Variants in IGSF10 observed in about 807,000 individuals in gnomAD.
IGSF10 encodes calvaria mechanical force protein 608.
Under a neutral mutation model 128.2 loss-of-function variants are expected in IGSF10, and 126 were observed. The ratio of observed to expected loss-of-function variants is 0.98; its 90% CI spans 0.85 to 1.14. The LOEUF is 1.14. Among genes scored for constraint, IGSF10 ranks in the 50% most tolerant of loss-of-function variants. The pLI is 0.00. For synonymous variants in IGSF10, 1,185 were observed against 1,146.2 expected (o/e 1.03, Z -0.68); for missense variants, 3,295 against 3,149.8 (o/e 1.05, Z -1.10).
At chr3:151,586,111 C>T in the IGSF10 span, among the ~76,000 whole-genome samples, 1 of 151,824 alleles carries the variant, frequency 6.6e-6, no homozygotes, top group East Asian at 1.9e-4. Context: ...TCCCGAGTTG[C>T]CACCACGCCA....
the IGSF10 span, among the ~76,000 whole-genome samples, chr3:151,579,010 A>G: frequency 0.058 from 8,820 of 152,240 alleles, 515 homozygotes; most frequent in African/African-American, 0.15. Context: ...GGAAAGAGTA[A>G]AGAAGATGAA....
At chr3:151,565,155 T>A in the IGSF10 span, among the ~76,000 whole-genome samples, 7 of 152,160 alleles carry the variant, frequency 4.6e-5, no homozygotes, top group Non-Finnish European at 8.8e-5. Flanking sequence ...GATTTACTGG[T>A]TAATTCATAT....
At position 151,452,427 on chromosome 3, in the gene IGSF10, G is replaced by A. The variant is rs116266185; in HGVS notation, c.715+957C>T. On this transcript the variant is annotated intron_variant, in intron 5 of 7. Transcript: ENST00000282466. ...TTGTAATACAATTGTAATTATTTATGTATCTAAACTTAGAAAAGGTAACAT... is the reference window on the plus strand; with the variant it reads ...TTGTAATACAATTGTAATTATTTATATATCTAAACTTAGAAAAGGTAACAT... Among the ~76,000 whole-genome samples, 1,286 of 152,232 alleles carry A rather than the reference G, an allele frequency of 8.4e-3. 17 individuals are homozygous for A. Among genetic ancestry groups the A allele is most frequent in the African/African-American group, 0.03 (1,229 of 41,532 alleles).
chr3:151,523,782 G>A, the IGSF10 span, among the ~76,000 whole-genome samples: 32 of 152,198 alleles, frequency 2.1e-4, no homozygotes, highest in Admixed American at 2.1e-3. Context: ...AAAAGCAATC[G>A]CAACAAATGC....
chr3:151,462,317 C>T (rs1263909245), upstream of IGSF10, among the ~76,000 whole-genome samples: 1 of 152,124 alleles, frequency 6.6e-6, no homozygotes, highest in African/African-American at 2.4e-5. Context: ...CAAAAATTTG[C>T]GGGATCCATC....
At position 151,448,160 on chromosome 3, in the gene IGSF10, C is replaced by A; in HGVS notation, c.1821G>T (p.Trp607Cys). The A allele has an allele frequency of 6.2e-7, 1 of 1,614,130 alleles. No homozygotes were observed. The stretch of plus-strand genomic sequence containing the variant: ...AGAGCACATTGTTTCCTGGAATAAC[C>A]CAGCTAATAGAGGCATCTGGGATAC... ...STGIPDASIS[W>C]VIPGNNVLYQ... The change falls in exon 6 of 8, where the codon TGG (tryptophan) becomes TGT (cysteine). Residue 607 changes from tryptophan (W) to cysteine (C), a missense_variant. Transcript: ENST00000282466.
At chr3:151,531,899 GT>G in the IGSF10 span, among the ~76,000 whole-genome samples, 82 of 151,812 alleles carry the variant, frequency 5.4e-4, no homozygotes, top group African/African-American at 1.8e-3. Flanking sequence ...CCAGGAGCTG[GT>G]TTTTTTTAAA....
At chr3:151,518,928 T>C in the IGSF10 span, among the ~76,000 whole-genome samples, 3 of 151,898 alleles carry the variant, frequency 2.0e-5, no homozygotes, top group Admixed American at 1.3e-4. Flanking sequence ...GTTCTTTCCT[T>C]CCTCTTACCA....
rs772428468 is a variant in IGSF10, at chr3:151,437,519, CTAT to C, written c.7039_7041del (p.Ile2347del). On this transcript the variant is annotated inframe_deletion, in exon 8 of 8. Coordinates refer to ENST00000282466, the MANE Select transcript of IGSF10 (RefSeq NM_178822.5). Reference sequence around the variant, plus strand: ...GCTGTGGACTTTCCCAGCTGGGCAACTATTTTTTCATTAAATGGATTTCTAAAT... The same window carrying C: ...GCTGTGGACTTTCCCAGCTGGGCAACTTTTTCATTAAATGGATTTCTAAAT... 6.2e-7 allele frequency: 1 copy of C among 1,614,176 alleles called. No homozygotes were observed. Among genetic ancestry groups the C allele is most frequent in the Non-Finnish European group, 8.5e-7 (1 of 1,180,028 alleles).
chr3:151,581,141 T>C, the IGSF10 span, among the ~76,000 whole-genome samples: 5 of 152,204 alleles, frequency 3.3e-5, no homozygotes, highest in African/African-American at 1.2e-4. Context: ...GTTTTCATGT[T>C]GCTGTGTTAG....
the IGSF10 span, among the ~76,000 whole-genome samples, chr3:151,584,184 T>G: frequency 6.6e-6 from 1 of 152,312 alleles, no homozygotes; most frequent in African/African-American, 2.4e-5. Context: ...ATTGATCCTT[T>G]TATTATTATG....
chr3:151,498,524 C>T, the IGSF10 span, among the ~76,000 whole-genome samples: 20 of 152,038 alleles, frequency 1.3e-4, no homozygotes, highest in Admixed American at 3.3e-4. Flanking sequence ...AATCAATAAA[C>T]GTAATCCAGC....
chr3:151,498,364 G>A, the IGSF10 span, among the ~76,000 whole-genome samples: 1 of 152,076 alleles, frequency 6.6e-6, no homozygotes, highest in Non-Finnish European at 1.5e-5. Context: ...AATTTATTGA[G>A]AGTTTTTTAG....
the IGSF10 span, among the ~76,000 whole-genome samples, chr3:151,601,371 A>C: frequency 6.6e-6 from 1 of 152,232 alleles, no homozygotes; most frequent in East Asian, 1.9e-4. Flanking sequence ...ACAATTGAAA[A>C]TTATGCAAAA....
chr3:151,465,636 C>A (rs1018219964), upstream of IGSF10, among the ~76,000 whole-genome samples: 1 of 152,118 alleles, frequency 6.6e-6, no homozygotes, highest in South Asian at 2.1e-4. Context: ...TGGGAAATGG[C>A]AAATGAGGCA....
chr3:151,563,918 G>A, the IGSF10 span, among the ~76,000 whole-genome samples: 1 of 152,166 alleles, frequency 6.6e-6, no homozygotes, highest in Non-Finnish European at 1.5e-5. Context: ...CACAGGTGAG[G>A]AAACTGAGGC....
At chr3:151,558,223 T>C in the IGSF10 span, among the ~76,000 whole-genome samples, 1 of 149,952 alleles carries the variant, frequency 6.7e-6, no homozygotes, top group Non-Finnish European at 1.5e-5. Context: ...AGGCCTTAAG[T>C]GTCCAGTTAC....
chr3:151,553,340 A>G, the IGSF10 span, among the ~76,000 whole-genome samples: 1 of 152,142 alleles, frequency 6.6e-6, no homozygotes, highest in Non-Finnish European at 1.5e-5. Flanking sequence ...TAATGAGAAG[A>G]TAATCTTTCT....
the IGSF10 span, among the ~76,000 whole-genome samples, chr3:151,537,144 C>T: frequency 1.3e-5 from 2 of 152,098 alleles, no homozygotes; most frequent in Admixed American, 1.3e-4. Flanking sequence ...AATTTTTTTG[C>T]CTCCCTAAAG....
Sources: allele counts gnomAD v4.1 joint callset (sites outside exome capture counted in the v4.1 genomes callset), GRCh38; gene constraint gnomAD v4.1.1; transcripts MANE v1.5; gene names NCBI Gene and HGNC (gene_info 2026-07-23, HGNC 2026-07-21).